The following SSH2 variants were observed in gnomAD, a reference collection of about 807,000 sequenced individuals.
SSH2 encodes slingshot protein phosphatase 2, also known as protein phosphatase Slingshot homolog 2.
SSH2 carries 37 observed loss-of-function variants against 135.2 expected under a neutral mutation model. The observed-to-expected ratio is 0.27, with a 90% CI of 0.21 to 0.36. The LOEUF is 0.36. Among genes scored for constraint, SSH2 ranks in the 10% least tolerant of loss-of-function variants. SSH2 has a pLI of 1.00. For missense variants in SSH2, 1,408 were observed against 1,765.3 expected (o/e 0.80, Z 3.63); for synonymous variants, 628 against 646.2 (o/e 0.97, Z 0.43).
chr17:29,773,813 G>C (rs1598975882), intron 3 of SSH2, among the ~76,000 whole-genome samples: 1 of 152,168 alleles, frequency 6.6e-6, no homozygotes, highest in Non-Finnish European at 1.5e-5. Context: ...AAGTAGCTGG[G>C]ATTACAGGCA....
At chr17:29,650,037 C>T (rs978934945) in intron 13 of SSH2, among the ~76,000 whole-genome samples, 2 of 152,180 alleles carry the variant, frequency 1.3e-5, no homozygotes, top group African/African-American at 4.8e-5. Context: ...TTATGGTTCT[C>T]TCTAGTAAAG....
At chr17:29,777,116 G>A (rs374608676) in intron 3 of SSH2, among the ~76,000 whole-genome samples, 26 of 152,086 alleles carry the variant, frequency 1.7e-4, no homozygotes, top group African/African-American at 6.3e-4. Flanking sequence ...GGAGGCTGAG[G>A]CAGGAGAATT....
intron 5 of SSH2, among the ~76,000 whole-genome samples, chr17:29,687,696 A>C (rs1206934822): frequency 1.3e-5 from 2 of 152,216 alleles, no homozygotes; most frequent in African/African-American, 2.4e-5. Flanking sequence ...CTCGCATATT[A>C]TTACATATTT....
At chr17:29,845,301 C>T (rs1232904081) in intron 2 of SSH2, among the ~76,000 whole-genome samples, 6 of 152,084 alleles carry the variant, frequency 3.9e-5, no homozygotes, top group Non-Finnish European at 7.4e-5. Context: ...CAAATAACTG[C>T]CCCCCACCCC....
intron 11 of SSH2, among the ~76,000 whole-genome samples, chr17:29,661,229 C>A (rs1005171059): frequency 1.3e-5 from 2 of 152,090 alleles, no homozygotes; most frequent in African/African-American, 4.8e-5. Flanking sequence ...TTCCATTGGC[C>A]TTCTCTGAGT....
intron 11 of SSH2, among the ~76,000 whole-genome samples, chr17:29,666,203 T>C (rs576277237): frequency 4.6e-5 from 7 of 152,000 alleles, no homozygotes; most frequent in South Asian, 2.1e-4. Flanking sequence ...TAAAACCCCA[T>C]CTCCACAAAA....
At chr17:29,635,485 A>G (rs1266179021) in intron 15 of SSH2, among the ~76,000 whole-genome samples, 5 of 151,938 alleles carry the variant, frequency 3.3e-5, no homozygotes, top group Admixed American at 6.6e-5. Flanking sequence ...GCTCACTGCA[A>G]GCTCCGCCTC....
chr17:29,648,191 T>G lies in SSH2; in HGVS notation c.1380A>C (p.Pro460=), dbSNP rs781083626. 1.9e-6 allele frequency: 3 copies of G among 1,614,144 alleles called. No individual in the cohort carries two copies. The highest frequency in any genetic ancestry group is 2.5e-6 in the Non-Finnish European group (3 of 1,180,032). ...KERRTVTKPN[P]SFMRQLEEYQ... Reference sequence around the variant, plus strand: ...ACTCTTCCAGTTGTCTCATGAAGCTTGGGTTGGGCTTGGTTACCGTTCGTC... The same window carrying G: ...ACTCTTCCAGTTGTCTCATGAAGCTGGGGTTGGGCTTGGTTACCGTTCGTC... The change falls in exon 14 of 16, where the codon CCA becomes CCC. Residue 460 remains proline (P), a synonymous_variant. Coordinates refer to ENST00000540801, the MANE Select transcript of SSH2 (RefSeq NM_001282129.2).
chr17:29,792,194 C>T (rs111632726), intron 3 of SSH2, among the ~76,000 whole-genome samples: 2,654 of 152,096 alleles, frequency 0.017, 34 homozygotes, highest in Non-Finnish European at 0.028. Flanking sequence ...TGAGCCACCG[C>T]GCCTGGCCTT....
intron 1 of SSH2, among the ~76,000 whole-genome samples, chr17:29,884,196 T>C (rs1218509990): frequency 6.6e-6 from 1 of 152,232 alleles, no homozygotes; most frequent in Non-Finnish European, 1.5e-5. Context: ...CTGAAACTAC[T>C]GTAGCCAAAG....
intron 1 of SSH2, among the ~76,000 whole-genome samples, chr17:29,866,922 A>G (rs1467129852): frequency 2.6e-5 from 4 of 151,862 alleles, no homozygotes; most frequent in Non-Finnish European, 5.9e-5. Flanking sequence ...AAACTCCATC[A>G]CCAGGGCTCA....
chr17:29,742,501 C>A (rs2449898), intron 3 of SSH2, among the ~76,000 whole-genome samples: 2 of 115,462 alleles, frequency 1.7e-5, no homozygotes, highest in Admixed American at 9.7e-5. Context: ...TTTTTTTTTT[C>A]TTTTCAATTT....
At chr17:29,779,809 T>TAAAAAAAAAAAAAA (rs1567969193) in intron 3 of SSH2, among the ~76,000 whole-genome samples, 2 of 10,764 alleles carry the variant, frequency 1.9e-4, no homozygotes, top group African/African-American at 7.4e-4. Flanking sequence ...AGACTCTGTC[T>TAAAAAAAAAAAAAA]CAAAAAAAAA....
At chr17:29,658,386 G>A (rs2151016060) in intron 11 of SSH2, among the ~76,000 whole-genome samples, 1 of 151,442 alleles carries the variant, frequency 6.6e-6, no homozygotes, top group East Asian at 1.9e-4. Context: ...CTATCATTGT[G>A]CGCTATAGCC....
intron 1 of SSH2, among the ~76,000 whole-genome samples, chr17:29,853,869 G>C (rs1163485917): frequency 6.6e-6 from 1 of 151,628 alleles, no homozygotes; most frequent in Non-Finnish European, 1.5e-5. Flanking sequence ...AGCCGCTCTA[G>C]AGGCTGATGA....
intron 3 of SSH2, among the ~76,000 whole-genome samples, chr17:29,729,594 T>A (rs2628170): frequency 0.51 from 76,792 of 152,046 alleles, 19,823 homozygotes; most frequent in African/African-American, 0.55. Context: ...TTCCATGTTC[T>A]TTGCAGCTCT....
intron 1 of SSH2, among the ~76,000 whole-genome samples, chr17:29,923,788 C>T (rs1314779717): frequency 2.0e-5 from 3 of 151,996 alleles, no homozygotes; most frequent in African/African-American, 7.3e-5. Context: ...CGTCTGTAGT[C>T]CCAGCTACTT....
intron 2 of SSH2, among the ~76,000 whole-genome samples, chr17:29,844,935 G>A (rs2043106252): frequency 6.6e-6 from 1 of 152,186 alleles, no homozygotes; most frequent in Non-Finnish European, 1.5e-5. Context: ...CATACTGCAT[G>A]TAATGATTTT....
At chr17:29,728,813 C>A (rs2040086455) in intron 3 of SSH2, among the ~76,000 whole-genome samples, 1 of 152,190 alleles carries the variant, frequency 6.6e-6, no homozygotes, top group Non-Finnish European at 1.5e-5. Flanking sequence ...AGAGTCTCTT[C>A]AATAAATGAT....
Sources: allele counts gnomAD v4.1 joint callset (sites outside exome capture counted in the v4.1 genomes callset), GRCh38; gene constraint gnomAD v4.1.1; transcripts MANE v1.5; gene names NCBI Gene and HGNC (gene_info 2026-07-23, HGNC 2026-07-21).